Variants in GARIN1A observed in about 807,000 individuals in gnomAD.
GARIN1A encodes golgi associated RAB2 interactor 1A.
the GARIN1A span, among the ~76,000 whole-genome samples, chr7:128,700,279 A>ATTTTTTT: frequency 1.7e-5 from 2 of 119,474 alleles, 1 homozygote. Context: ...TTTGTTTTGT[A>ATTTTTTT]TTTTGTTTTT....
the GARIN1A span, chr7:128,686,770 G>A: frequency 1.3e-5 from 2 of 152,272 alleles, no homozygotes; most frequent in Non-Finnish European, 2.9e-5. Context: ...CAGCTACTCA[G>A]GAGGCTGAGG....
At chr7:128,672,237 A>G in the GARIN1A span, 1 of 560,318 alleles carries the variant, frequency 1.8e-6, no homozygotes, top group Admixed American at 3.4e-5. Flanking sequence ...CATTCCTGCC[A>G]TTGTGAGCTG....
the GARIN1A span, among the ~76,000 whole-genome samples, chr7:128,690,056 G>A: frequency 6.6e-6 from 1 of 152,240 alleles, no homozygotes; most frequent in Non-Finnish European, 1.5e-5. Flanking sequence ...ATTTTGTTCT[G>A]TACTAAGAAA....
At chr7:128,678,015 CTTTT>C in the GARIN1A span, 59,408 of 174,456 alleles carry the variant, frequency 0.34, 6,837 homozygotes, top group East Asian at 0.55. Context: ...AGAAATGTTT[CTTTT>C]TTTTTTTTTT....
chr7:128,691,038 T>C, the GARIN1A span: 150,362 of 152,274 alleles, frequency 0.99, 74,254 homozygotes, highest in Middle Eastern at 1. Flanking sequence ...ATATTAACTC[T>C]GAGAGGAAGA....
chr7:128,686,896 T>C, the GARIN1A span: 1 of 151,184 alleles, frequency 6.6e-6, no homozygotes, highest in Non-Finnish European at 1.5e-5. Context: ...AAAATATATC[T>C]GACTGAGTTT....
chr7:128,683,452 T>TTTTTTTTATTTA, the GARIN1A span: 1 of 154,232 alleles, frequency 6.5e-6, no homozygotes, highest in Non-Finnish European at 1.4e-5. Context: ...GACTGGGTAA[T>TTTTTTTTATTTA]TTTATTTATT....
At chr7:128,694,086 C>T in the GARIN1A span, among the ~76,000 whole-genome samples, 1 of 152,144 alleles carries the variant, frequency 6.6e-6, no homozygotes, top group Admixed American at 6.5e-5. Context: ...GGGGAGAGGG[C>T]GTGGTGCCTG....
the GARIN1A span, chr7:128,675,624 C>T: frequency 6.3e-7 from 1 of 1,597,166 alleles, no homozygotes; most frequent in Non-Finnish European, 8.5e-7. Context: ...CTGTATTCCA[C>T]CCCTTGTTTT....
the GARIN1A span, chr7:128,682,978 C>T: frequency 5.0e-6 from 8 of 1,600,660 alleles, no homozygotes; most frequent in African/African-American, 9.4e-5. Context: ...AATGACACTG[C>T]CATTGAAATA....
the GARIN1A span, among the ~76,000 whole-genome samples, chr7:128,699,159 T>G: frequency 3.3e-5 from 5 of 151,972 alleles, no homozygotes; most frequent in African/African-American, 4.8e-5. Context: ...AAATGAATTT[T>G]TAATAAAAAA....
the GARIN1A span, among the ~76,000 whole-genome samples, chr7:128,688,629 A>G: frequency 1.1e-3 from 173 of 152,182 alleles, no homozygotes; most frequent in Middle Eastern, 6.8e-3. Context: ...TTGCACATGT[A>G]GAGTTGTGTG....
the GARIN1A span, chr7:128,693,477 C>A: frequency 3.1e-5 from 6 of 191,176 alleles, no homozygotes; most frequent in Non-Finnish European, 6.9e-5. Flanking sequence ...GTTCCATGAG[C>A]AGAAGCTGCT....
chr7:128,680,142 G>T, the GARIN1A span: 1 of 1,553,486 alleles, frequency 6.4e-7, no homozygotes. Context: ...CCAGCTCACA[G>T]CAGACAGGTG....
chr7:128,688,837 C>A, the GARIN1A span, among the ~76,000 whole-genome samples: 1 of 137,502 alleles, frequency 7.3e-6, no homozygotes, highest in African/African-American at 2.7e-5. Context: ...TCCACCGTCT[C>A]CCTCTGATGC....
chr7:128,698,062 CA>C, the GARIN1A span, among the ~76,000 whole-genome samples: 688 of 152,250 alleles, frequency 4.5e-3, 21 homozygotes, highest in Admixed American at 0.038. Flanking sequence ...TTGTATATTA[CA>C]GTTGGGGCAG....
At chr7:128,677,629 G>A in the GARIN1A span, 1 of 1,613,766 alleles carries the variant, frequency 6.2e-7, no homozygotes, top group South Asian at 1.1e-5. Flanking sequence ...CTGAGGGTTA[G>A]GACAGTGACC....
chr7:128,689,929 C>G, the GARIN1A span, among the ~76,000 whole-genome samples: 1 of 152,118 alleles, frequency 6.6e-6, no homozygotes, highest in Non-Finnish European at 1.5e-5. Flanking sequence ...TCATTGAGAA[C>G]GGGCCATGAT....
chr7:128,682,874 G>C, the GARIN1A span: 1 of 1,049,754 alleles, frequency 9.5e-7, no homozygotes, highest in Non-Finnish European at 1.4e-6. Context: ...ACTGCACCCA[G>C]CTGAAAGTGG....
Sources: gnomAD v4.1 joint callset for allele counts (sites outside exome capture counted in the v4.1 genomes callset) on GRCh38, gnomAD v4.1.1 for gene constraint, MANE v1.5 for transcripts, NCBI Gene and HGNC (gene_info 2026-07-23, HGNC 2026-07-21) for gene names.